NOS1AP: variants seen among roughly 807,000 people sequenced by gnomAD.
The protein encoded by NOS1AP is carboxyl-terminal PDZ ligand of neuronal nitric oxide synthase protein.
A neutral mutation model predicts 56.2 loss-of-function variants in NOS1AP; 21 were observed. The observed-to-expected ratio is 0.37, with a 90% CI of 0.26 to 0.54. The LOEUF (loss-of-function observed/expected upper bound fraction) is 0.54, where lower values mean the gene tolerates loss of function less well. NOS1AP is among the 20% of genes least tolerant of loss of function. NOS1AP has a pLI of 0.84. For synonymous variants in NOS1AP, 270 were observed against 274.6 expected (o/e 0.98, Z 0.17); for missense variants, 522 against 657.8 (o/e 0.79, Z 2.26).
intron 1 of NOS1AP, among the ~76,000 whole-genome samples, chr1:162,092,512 A>G (rs916190802): frequency 2.6e-5 from 4 of 152,212 alleles, no homozygotes; most frequent in African/African-American, 9.6e-5. Context: ...TCACTGAATA[A>G]GAGTTTATGA....
chr1:162,212,867 T>A (rs1422945620), intron 2 of NOS1AP, among the ~76,000 whole-genome samples: 1 of 282 alleles, frequency 3.5e-3, no homozygotes, highest in African/African-American at 0.015. Flanking sequence ...CTCTGTGGAG[T>A]GAGTGCCCCC....
chr1:162,099,197 G>GT (rs71581447), intron 1 of NOS1AP, among the ~76,000 whole-genome samples: 71,079 of 141,290 alleles, frequency 0.5, 19,689 homozygotes, highest in Non-Finnish European at 0.64. Flanking sequence ...CTTTTTTTTT[G>GT]TTTTTTTTTT....
intron 4 of NOS1AP, among the ~76,000 whole-genome samples, chr1:162,310,235 C>T (rs1015799076): frequency 2.6e-5 from 4 of 152,178 alleles, no homozygotes; most frequent in Admixed American, 2.6e-4. Context: ...GAGGTATACC[C>T]CGTTCTTTGC....
chr1:162,086,188 G>T (rs74127550), intron 1 of NOS1AP, among the ~76,000 whole-genome samples: 4,376 of 152,148 alleles, frequency 0.029, 191 homozygotes, highest in African/African-American at 0.1. Flanking sequence ...TTTGGAAGGG[G>T]TATTTCAGGG....
rs959728144 is a variant in NOS1AP, at chr1:162,282,755, C to T, written c.178-4589C>T. On this transcript the variant is annotated intron_variant, in intron 2 of 9. Transcript: ENST00000361897. ...ATTTCCTGTGATCATTTGCAAGAAGCGAAGCTCCAAAGCTCCTTCTAGATA... is the reference window on the plus strand; with the variant it reads ...ATTTCCTGTGATCATTTGCAAGAAGTGAAGCTCCAAAGCTCCTTCTAGATA... Among the ~76,000 whole-genome samples the T allele has an allele frequency of 3.9e-5, 6 of 152,144 alleles. No individual in the cohort carries two copies. In the South Asian group the frequency reaches 8.3e-4, roughly 21 times the overall value.
At chr1:162,360,069 G>GACC (rs1236430630) in intron 8 of NOS1AP, among the ~76,000 whole-genome samples, 1 of 149,680 alleles carries the variant, frequency 6.7e-6, no homozygotes, top group Admixed American at 6.7e-5. Context: ...TTGCCATGGG[G>GACC]ACCAGGCTTA....
At chr1:162,178,449 G>A (rs974950218) in intron 2 of NOS1AP, among the ~76,000 whole-genome samples, 27 of 152,212 alleles carry the variant, frequency 1.8e-4, no homozygotes, top group Admixed American at 1.6e-3. Context: ...TACTGAGTAT[G>A]TGCCATACAC....
chr1:162,199,788 A>G (rs1467976591), intron 2 of NOS1AP, among the ~76,000 whole-genome samples: 4 of 152,240 alleles, frequency 2.6e-5, no homozygotes, highest in Non-Finnish European at 4.4e-5. Flanking sequence ...GCTAAAACAC[A>G]TAATTCTGGG....
At chr1:162,100,070 G>A (rs972796438) in intron 1 of NOS1AP, among the ~76,000 whole-genome samples, 6 of 152,110 alleles carry the variant, frequency 3.9e-5, no homozygotes, top group African/African-American at 1.4e-4. Context: ...CTTTGCTATT[G>A]TGAATAGTGC....
intron 2 of NOS1AP, among the ~76,000 whole-genome samples, chr1:162,206,321 G>A (rs952210743): frequency 3.9e-5 from 6 of 152,116 alleles, no homozygotes; most frequent in Non-Finnish European, 7.4e-5. Flanking sequence ...TGACTCTATG[G>A]GTTAGTCGGA....
chr1:162,242,329 A>C (rs1653511506), intron 2 of NOS1AP, among the ~76,000 whole-genome samples: 1 of 152,228 alleles, frequency 6.6e-6, no homozygotes, highest in South Asian at 2.1e-4. Context: ...AACAGAATGC[A>C]GTGGAAGTAT....
intron 2 of NOS1AP, among the ~76,000 whole-genome samples, chr1:162,171,605 A>G (rs1280226961): frequency 6.6e-6 from 1 of 151,778 alleles, no homozygotes; most frequent in Non-Finnish European, 1.5e-5. Flanking sequence ...AGCCATCCCC[A>G]CCCCTGAACT....
At chr1:162,212,297 C>G (rs747351406) in intron 2 of NOS1AP, among the ~76,000 whole-genome samples, 30 of 152,202 alleles carry the variant, frequency 2.0e-4, no homozygotes, top group Non-Finnish European at 1.8e-4. Context: ...AGTCCCACCT[C>G]ATCTACTTAA....
intron 1 of NOS1AP, among the ~76,000 whole-genome samples, chr1:162,079,392 C>CT (rs371079160): frequency 1.1e-4 from 16 of 149,766 alleles, no homozygotes; most frequent in Non-Finnish European, 1.5e-4. Flanking sequence ...GAATTGATGT[C>CT]TTTTTTTTTT....
At chr1:162,136,624 T>G (rs145740576) in intron 1 of NOS1AP, among the ~76,000 whole-genome samples, 3 of 152,342 alleles carry the variant, frequency 2.0e-5, no homozygotes, top group South Asian at 2.1e-4. Context: ...TCCTTTTTCT[T>G]TTCTCATGTG....
intron 1 of NOS1AP, among the ~76,000 whole-genome samples, chr1:162,133,880 A>T (rs1337340120): frequency 1.3e-5 from 2 of 152,192 alleles, no homozygotes; most frequent in Non-Finnish European, 2.9e-5. Context: ...TGTAGAAGTA[A>T]TCGGCATTCA....
At chr1:162,149,814 T>C (rs1403718393) in intron 1 of NOS1AP, among the ~76,000 whole-genome samples, 1 of 152,242 alleles carries the variant, frequency 6.6e-6, no homozygotes, top group East Asian at 1.9e-4. Context: ...GTTTGTAATT[T>C]ATTTTATTTT....
intron 8 of NOS1AP, chr1:162,364,793 A>G (rs898331508): frequency 1.0e-6 from 1 of 987,314 alleles, no homozygotes; most frequent in Non-Finnish European, 1.2e-6. Context: ...GCTGTCGCCT[A>G]CAGAGTGGCT....
chr1:162,160,569 C>G (rs1650160499), intron 2 of NOS1AP, among the ~76,000 whole-genome samples: 1 of 152,160 alleles, frequency 6.6e-6, no homozygotes. Context: ...GGCACGTGGT[C>G]TCATGCATTC....
Sources: allele counts gnomAD v4.1 joint callset (sites outside exome capture counted in the v4.1 genomes callset), GRCh38; gene constraint gnomAD v4.1.1; transcripts MANE v1.5; gene names NCBI Gene and HGNC (gene_info 2026-07-23, HGNC 2026-07-21).